The following TXN2 variants were observed in gnomAD, a reference collection of about 807,000 sequenced individuals.
The protein encoded by TXN2 is thioredoxin, mitochondrial.
Under a neutral mutation model 14.6 loss-of-function variants are expected in TXN2, and 12 were observed. The observed-to-expected ratio is 0.82, with a 90% CI of 0.53 to 1.33. The LOEUF is 1.33. Among genes scored for constraint, TXN2 ranks in the 40% most tolerant of loss-of-function variants. The pLI, the probability that TXN2 is intolerant of heterozygous loss-of-function variation, is 0.00. For missense variants in TXN2, 173 were observed against 207.7 expected (o/e 0.83, Z 1.03); for synonymous variants, 89 against 81.0 (o/e 1.10, Z -0.53).
Position 36,480,591 on chromosome 22 carries a change from C to A in TXN2, c.247G>T (p.Val83Leu). ...RVVNSETPVV[V>L]DFHAQWCGPC... ...AATACTCACTGTGCGTGGAAATCCACAACCACTGGTGTCTCACTGTTGACC... is the reference window on the plus strand; with the variant it reads ...AATACTCACTGTGCGTGGAAATCCAAAACCACTGGTGTCTCACTGTTGACC... Residue 83 changes from valine to leucine, a missense_variant, in exon 2 of 4, where the codon GTG becomes TTG. Val to Leu is a conservative substitution (Grantham distance 32). Coordinates refer to ENST00000216185, the MANE Select transcript of TXN2 (RefSeq NM_012473.4). The A allele has an allele frequency of 6.2e-7, 1 of 1,613,752 alleles. No individual in the cohort carries two copies. Among genetic ancestry groups the A allele is most frequent in the Non-Finnish European group, 8.5e-7 (1 of 1,179,924 alleles).
chr22:36,473,262 G>A (rs1933318807), intron 3 of TXN2, among the ~76,000 whole-genome samples: 1 of 152,142 alleles, frequency 6.6e-6, no homozygotes, highest in Non-Finnish European at 1.5e-5. Flanking sequence ...GGCAAACATG[G>A]TAAAACCTTG....
chr22:36,476,525 G>C (rs1414049727), intron 3 of TXN2, among the ~76,000 whole-genome samples: 1 of 152,092 alleles, frequency 6.6e-6, no homozygotes, highest in Non-Finnish European at 1.5e-5. Context: ...CCGGGAGGCA[G>C]AGGTTGCAAT....
intron 3 of TXN2, chr22:36,468,531 T>C: frequency 3.1e-6 from 1 of 327,642 alleles, no homozygotes; most frequent in South Asian, 2.2e-5. Flanking sequence ...CCAGACCAGC[T>C]TGGGCAATAT....
intron 2 of TXN2, 122 bp downstream of exon 2, chr22:36,480,453 G>C (rs904610053): frequency 7.6e-7 from 1 of 1,322,672 alleles, no homozygotes; most frequent in African/African-American, 1.5e-5. Flanking sequence ...GACTGGGCCT[G>C]ACCAGTCTGT....
intron 3 of TXN2, among the ~76,000 whole-genome samples, 153 bp from the exon 4 acceptor site, chr22:36,468,070 G>A (rs1244461311): frequency 6.6e-6 from 1 of 152,174 alleles, no homozygotes; most frequent in Admixed American, 6.5e-5. Context: ...CTCTTCTCTC[G>A]GTGCAGGGGT....
rs1035365101 is a variant in TXN2, at chr22:36,470,762, G to A, written c.388-2845C>T. ...ACCAGCCTGGGCAACATAGCAAGAC[G>A]TCGTCTCCATAAAAATATTAAAAAA... On this transcript the variant is annotated intron_variant, in intron 3 of 3. Transcript: ENST00000216185. 7.4e-5 allele frequency among the ~76,000 whole-genome samples: 11 copies of A among 148,622 alleles called. No individual in the cohort carries two copies. The East Asian group carries it at 9.8e-4, about 13-fold the overall frequency.
intron 3 of TXN2, among the ~76,000 whole-genome samples, 193 bp downstream of exon 3, chr22:36,476,540 C>G (rs147376787): frequency 4.0e-5 from 6 of 151,760 alleles, no homozygotes; most frequent in African/African-American, 1.5e-4. Context: ...TGCAATGAGC[C>G]GAGATCATGC....
intron 3 of TXN2, among the ~76,000 whole-genome samples, chr22:36,471,112 C>T (rs772443682): frequency 5.3e-5 from 8 of 152,164 alleles, no homozygotes; most frequent in Non-Finnish European, 8.8e-5. Flanking sequence ...CAGGAGGTGC[C>T]GGTGCCTGTA....
At position 36,467,488 on chromosome 22, in the gene TXN2, C is replaced by G; in HGVS notation, c.*316G>C. 1 of 324,906 alleles carries G rather than the reference C, an allele frequency of 3.1e-6. No homozygotes were observed. The highest frequency in any genetic ancestry group is 5.9e-6 in the Non-Finnish European group (1 of 170,470). The allele number at this position is 324,906 out of a possible 1,614,324, so 20.1% of individuals were successfully genotyped here. A position where few individuals can be genotyped will look rare whatever the true frequency, so the allele number is the denominator to read the frequency against. ...GACCAAGATGAGGACCAAGGTGTGGCTGCCTGACTAGGAACGCTGTGGGCT... is the reference window on the plus strand; with the variant it reads ...GACCAAGATGAGGACCAAGGTGTGGGTGCCTGACTAGGAACGCTGTGGGCT... On this transcript the variant is annotated 3_prime_UTR_variant, in exon 4 of 4. Coordinates refer to ENST00000216185, the MANE Select transcript of TXN2 (RefSeq NM_012473.4).
intron 3 of TXN2, among the ~76,000 whole-genome samples, chr22:36,471,182 T>A (rs1030762527): frequency 1.3e-5 from 2 of 151,964 alleles, no homozygotes; most frequent in African/African-American, 4.8e-5. Flanking sequence ...ATGTTTTGAG[T>A]GTGAAAGAGG....
rs145571413 is a variant in TXN2, at chr22:36,480,688, C to T, written c.150G>A (p.Arg50=). 6 of 1,614,068 alleles carry T rather than the reference C, an allele frequency of 3.7e-6. No homozygotes were observed. Among genetic ancestry groups the T allele is most frequent in the South Asian group, 3.3e-5 (3 of 91,064 alleles). ...GGLTVTPNPA[R]TIYTTRISLT... is the part of the protein sequence containing the mutation. ...AGGAGATCCTCGTGGTGTATATTGT[C>T]CGGGCTGGGTTGGGTGTTACAGTCA... Residue 50 remains arginine, a synonymous_variant, in exon 2 of 4, where the codon CGG becomes CGA. Coordinates refer to ENST00000216185, the MANE Select transcript of TXN2 (RefSeq NM_012473.4).
chr22:36,472,877 C>G (rs73886815), intron 3 of TXN2, among the ~76,000 whole-genome samples: 4 of 105,270 alleles, frequency 3.8e-5, no homozygotes, highest in African/African-American at 2.5e-4. Flanking sequence ...AAAGTCAGTC[C>G]GGGGCCTTCA....
At chr22:36,468,239 C>G (rs1049032020) in intron 3 of TXN2, among the ~76,000 whole-genome samples, 1 of 152,174 alleles carries the variant, frequency 6.6e-6, no homozygotes. Context: ...CAGGCCAGGG[C>G]TGGGGGCAGG....
At chr22:36,481,012 G>A in intron 1 of TXN2, 175 bp from the exon 2 acceptor site, 4 of 633,746 alleles carry the variant, frequency 6.3e-6, no homozygotes, top group Admixed American at 3.7e-5. Flanking sequence ...TCAAAGGGAA[G>A]GAACAGCTAG....
In TXN2 at chr22:36,470,781, T is replaced by TA. The variant is rs34939764; in HGVS notation, c.388-2865dup. On this transcript the variant is annotated intron_variant, in intron 3 of 3. Transcript: ENST00000216185. ...CAAGACGTCGTCTCCATAAAAATAT[T>TA]AAAAAAAAAAAAAAAGAACTCCAGA... Among the ~76,000 whole-genome samples, 876 of 136,582 alleles carry TA rather than the reference T, an allele frequency of 6.4e-3. 4 individuals are homozygous for TA. The highest frequency in any genetic ancestry group is 0.018 in the Middle Eastern group (5 of 272). The allele number at this position is 136,582 out of a possible 152,430, so 89.6% of individuals were successfully genotyped here. A position where few individuals can be genotyped will look rare whatever the true frequency, so the allele number is the denominator to read the frequency against.
intron 1 of TXN2, chr22:36,481,159 G>A (rs1227927654): frequency 4.7e-6 from 1 of 210,896 alleles, no homozygotes; most frequent in Non-Finnish European, 9.5e-6. Flanking sequence ...CACATTATTG[G>A]TCTTCCTACA....
At chr22:36,481,504 C>A (rs1933502242) in intron 1 of TXN2, 60 bp downstream of exon 1, 1 of 915,376 alleles carries the variant, frequency 1.1e-6, no homozygotes, top group Non-Finnish European at 1.3e-6. Context: ...TGCGCAGGAA[C>A]GCGCTCGCGG....
chr22:36,471,628 T>C (rs1933276310), intron 3 of TXN2, among the ~76,000 whole-genome samples: 1 of 152,204 alleles, frequency 6.6e-6, no homozygotes, highest in African/African-American at 2.4e-5. Flanking sequence ...AGGATCATTT[T>C]AACGATGAGA....
intron 3 of TXN2, among the ~76,000 whole-genome samples, chr22:36,468,995 T>C (rs1239283913): frequency 6.6e-6 from 1 of 151,752 alleles, no homozygotes; most frequent in Non-Finnish European, 1.5e-5. Flanking sequence ...TCAGTGGAGA[T>C]TGCACCACTG....
Sources: allele counts gnomAD v4.1 joint callset (sites outside exome capture counted in the v4.1 genomes callset), GRCh38; gene constraint gnomAD v4.1.1; transcripts MANE v1.5; gene names NCBI Gene and HGNC (gene_info 2026-07-23, HGNC 2026-07-21).